SYT9: variants seen among roughly 807,000 people sequenced by gnomAD.
SYT9 encodes the protein synaptotagmin 9.
SYT9 carries 22 observed loss-of-function variants against 48.4 expected under a neutral mutation model. The ratio of observed to expected loss-of-function variants is 0.45; its 90% CI spans 0.32 to 0.65. The LOEUF (loss-of-function observed/expected upper bound fraction) is 0.65, where lower values mean the gene tolerates loss of function less well. Among genes scored for constraint, SYT9 ranks in the 30% least tolerant of loss-of-function variants. The pLI, the probability that SYT9 is intolerant of heterozygous loss-of-function variation, is 0.03. For synonymous variants in SYT9, 265 were observed against 245.0 expected, an observed-to-expected ratio of 1.08 and a Z score of -0.76; for missense variants, 577 against 622.0, an observed-to-expected ratio of 0.93 and a Z score of 0.77.
chr11:7,403,621 T>C lies in SYT9; in HGVS notation c.1045-12421T>C, dbSNP rs547344837. Among the ~76,000 whole-genome samples, 5 of 152,330 alleles carry C rather than the reference T, an allele frequency of 3.3e-5. No individual in the cohort carries two copies. In the South Asian group the frequency reaches 1.0e-3, roughly 32 times the overall value. On this transcript the variant is annotated intron_variant, in intron 3 of 6. Transcript: ENST00000318881. ...AGTTTCCAAATACACTGATATTTTT[T>C]AGATTCCTTTTCATTATTTATTTCT...
Position 7,406,535 on chromosome 11 carries a change from C to CATATATAT in SYT9, c.1045-9481_1045-9474dup, listed in dbSNP as rs57371051. On this transcript the variant is annotated intron_variant, in intron 3 of 6. Transcript: ENST00000318881. ...TATGGCTGAATAATGTTCAATTGCGCATATATATATATATATATATATATA... is the reference window on the plus strand; with the variant it reads ...TATGGCTGAATAATGTTCAATTGCGCATATATATATATATATATATATATATATATATA... Among the ~76,000 whole-genome samples, 334 of 135,304 alleles carry CATATATAT rather than the reference C, an allele frequency of 2.5e-3. 3 individuals are homozygous for CATATATAT. Among genetic ancestry groups the CATATATAT allele is most frequent in the Middle Eastern group, 3.7e-3 (1 of 270 alleles). 88.8% of individuals were successfully genotyped at this position (135,304 alleles called of 152,430 possible).
chr11:7,243,427 A>C (rs1847759209), intron 1 of SYT9, among the ~76,000 whole-genome samples: 1 of 152,182 alleles, frequency 6.6e-6, no homozygotes, highest in Non-Finnish European at 1.5e-5. Flanking sequence ...ATGGTCTCTG[A>C]ATAAGGCCAG....
chr11:7,339,672 A>G (rs150380634), intron 3 of SYT9, among the ~76,000 whole-genome samples: 1 of 152,198 alleles, frequency 6.6e-6, no homozygotes, highest in Non-Finnish European at 1.5e-5. Context: ...AAGAACTTTG[A>G]ATATAGGCCC....
At chr11:7,259,106 G>C (rs1421051083) in intron 1 of SYT9, among the ~76,000 whole-genome samples, 3 of 152,134 alleles carry the variant, frequency 2.0e-5, no homozygotes, top group Non-Finnish European at 4.4e-5. Context: ...TGAAATTGAA[G>C]TAGAACTGGG....
intron 1 of SYT9, among the ~76,000 whole-genome samples, chr11:7,292,218 G>A (rs745971691): frequency 1.1e-4 from 17 of 152,262 alleles, no homozygotes; most frequent in Admixed American, 5.2e-4. Context: ...TAGATGAGAG[G>A]TTAAAACATG....
intron 3 of SYT9, among the ~76,000 whole-genome samples, chr11:7,354,358 T>C (rs1181903226): frequency 6.6e-6 from 1 of 152,238 alleles, no homozygotes; most frequent in Non-Finnish European, 1.5e-5. Context: ...GAAACTTATC[T>C]ATAGACAATT....
intron 3 of SYT9, among the ~76,000 whole-genome samples, chr11:7,353,603 T>C (rs1356816690): frequency 1.3e-5 from 2 of 152,232 alleles, no homozygotes; most frequent in African/African-American, 4.8e-5. Context: ...GATCTCTTCC[T>C]TGAGTGCTCT....
At chr11:7,347,172 C>T (rs1181335540) in intron 3 of SYT9, among the ~76,000 whole-genome samples, 1 of 152,166 alleles carries the variant, frequency 6.6e-6, no homozygotes, top group Admixed American at 6.5e-5. Flanking sequence ...AGTCAGCGTA[C>T]CCAGAAGAGA....
chr11:7,381,979 A>G (rs1409567604), intron 3 of SYT9, among the ~76,000 whole-genome samples: 5 of 152,114 alleles, frequency 3.3e-5, no homozygotes, highest in Non-Finnish European at 1.5e-5. Context: ...ATGTCTCATC[A>G]TCTCCACAAG....
At chr11:7,389,042 C>G (rs898643690) in intron 3 of SYT9, among the ~76,000 whole-genome samples, 9 of 152,192 alleles carry the variant, frequency 5.9e-5, no homozygotes, top group African/African-American at 2.2e-4. Context: ...GGTTAAGTCA[C>G]TAGGCTTGGT....
chr11:7,403,562 A>G (rs377243547), intron 3 of SYT9, among the ~76,000 whole-genome samples: 2 of 118,308 alleles, frequency 1.7e-5, no homozygotes, highest in African/African-American at 4.6e-5. Context: ...AAAATAAATA[A>G]ACAGAGAGAG....
chr11:7,365,252 T>C (rs571157052), intron 3 of SYT9, among the ~76,000 whole-genome samples: 2 of 152,202 alleles, frequency 1.3e-5, no homozygotes, highest in South Asian at 2.1e-4. Context: ...AAATGATTCG[T>C]TGGGAAAATA....
At chr11:7,407,167 A>G (rs992720117) in intron 3 of SYT9, among the ~76,000 whole-genome samples, 2 of 151,938 alleles carry the variant, frequency 1.3e-5, no homozygotes, top group Admixed American at 6.6e-5. Flanking sequence ...CACTCTGTTG[A>G]TTGTTTCCTT....
chr11:7,311,990 TAA>T (rs1256222001), intron 2 of SYT9, among the ~76,000 whole-genome samples: 1 of 147,770 alleles, frequency 6.8e-6, no homozygotes, highest in East Asian at 2.1e-4. Flanking sequence ...TGGATTTCTC[TAA>T]AAGAGATTAA....
chr11:7,465,079 T>A (rs1047975633), intron 6 of SYT9, among the ~76,000 whole-genome samples: 5 of 151,550 alleles, frequency 3.3e-5, no homozygotes, highest in African/African-American at 1.2e-4. Flanking sequence ...AGAGCAAGAC[T>A]CCATCTCAAA....
chr11:7,271,407 TG>T (rs1848293943), intron 1 of SYT9, among the ~76,000 whole-genome samples: 1 of 152,182 alleles, frequency 6.6e-6, no homozygotes, highest in Non-Finnish European at 1.5e-5. Flanking sequence ...CTGTTGGGTC[TG>T]TAGCAAGAGC....
intron 3 of SYT9, among the ~76,000 whole-genome samples, chr11:7,386,342 C>T (rs1210341108): frequency 2.0e-5 from 3 of 151,844 alleles, no homozygotes; most frequent in Non-Finnish European, 4.4e-5. Context: ...AAAGAAACTA[C>T]CATCAGAGTG....
rs201532250 is a variant in SYT9 at position 7,416,039 on chromosome 11, C to A, written c.1045-3C>A. 1 of 1,614,000 alleles carries A rather than the reference C, an allele frequency of 6.2e-7. No homozygotes were observed. The highest frequency in any genetic ancestry group is 1.3e-5 in the African/African-American group (1 of 74,908). ...AATACTTTAGTTTGTGCTTTCTCAA[C>A]AGGACAACGTGGATCTGGGAGAGCT... is the stretch of plus-strand genomic sequence containing the variant. On this transcript the variant is annotated splice_region_variant and splice_polypyrimidine_tract_variant and intron_variant, in intron 3 of 6. Transcript: ENST00000318881.
At chr11:7,324,720 CTT>C (rs753455629) in intron 3 of SYT9, among the ~76,000 whole-genome samples, 17 of 151,686 alleles carry the variant, frequency 1.1e-4, no homozygotes, top group Non-Finnish European at 2.2e-4. Flanking sequence ...ATTTCTGTAA[CTT>C]AATTAAAAAT....
Sources: allele counts gnomAD v4.1 joint callset (sites outside exome capture counted in the v4.1 genomes callset), GRCh38; gene constraint gnomAD v4.1.1; transcripts MANE v1.5; gene names NCBI Gene and HGNC (gene_info 2026-07-23, HGNC 2026-07-21).